Variants in VWA2 observed in about 807,000 individuals in gnomAD.
VWA2 encodes von Willebrand factor A domain-containing protein 2.
A neutral mutation model predicts 70.4 loss-of-function variants in VWA2; 73 were observed. The ratio of observed to expected loss-of-function variants is 1.04; its 90% CI spans 0.86 to 1.26. VWA2 has a LOEUF of 1.26. Among genes scored for constraint, VWA2 ranks in the 50% most tolerant of loss-of-function variants. The probability of loss-of-function intolerance (pLI) is 0.00; values close to 1 mark genes in which losing one functional copy is unlikely to be tolerated. For synonymous variants in VWA2, 407 were observed against 423.3 expected (o/e 0.96, Z 0.47); for missense variants, 1,011 against 998.5 (o/e 1.01, Z -0.17).
intron 4 of VWA2, among the ~76,000 whole-genome samples, chr10:114,257,193 C>G (rs913920870): frequency 2.6e-5 from 4 of 152,096 alleles, no homozygotes; most frequent in Admixed American, 6.5e-5. Flanking sequence ...ATCATTTAAT[C>G]TAGGCACAAG....
In VWA2 at chr10:114,241,851, G is replaced by T. The variant is rs1259421432; in HGVS notation, c.-11+2282G>T. On this transcript the variant is annotated intron_variant, in intron 1 of 13. Coordinates refer to ENST00000392982, the MANE Select transcript of VWA2 (RefSeq NM_001272046.2). The stretch of plus-strand genomic sequence containing the variant: ...TAATTGGGAGGCCTGCAATAGAATT[G>T]CTCATTTTTAATTTTATCCAATAAG... 3.3e-5 allele frequency among the ~76,000 whole-genome samples: 5 copies of T among 151,934 alleles called. No individual in the cohort carries two copies. In the East Asian group the frequency reaches 9.7e-4, roughly 29 times the overall value.
chr10:114,266,153 C>T (rs1027705699), intron 5 of VWA2, among the ~76,000 whole-genome samples: 5 of 151,876 alleles, frequency 3.3e-5, no homozygotes, highest in South Asian at 2.1e-4. Flanking sequence ...AAAAATTAGC[C>T]GGGCGTGGTG....
At chr10:114,285,819 G>A (rs903442838) in intron 10 of VWA2, 120 bp from the exon 11 acceptor site, 11 of 1,127,418 alleles carry the variant, frequency 9.8e-6, no homozygotes, top group South Asian at 6.7e-5. Flanking sequence ...ACTTAAGCTT[G>A]GGGGGCCCAC....
intron 1 of VWA2, among the ~76,000 whole-genome samples, chr10:114,242,022 C>T (rs2036982052): frequency 6.6e-6 from 1 of 151,668 alleles, no homozygotes; most frequent in Admixed American, 6.6e-5. Context: ...TATTTGAAGT[C>T]CCTTCCTTTG....
chr10:114,264,131 T>A (rs926758779), intron 5 of VWA2, among the ~76,000 whole-genome samples: 1 of 152,240 alleles, frequency 6.6e-6, no homozygotes, highest in Admixed American at 6.5e-5. Flanking sequence ...ATTTAGCATA[T>A]GACCCAGCAA....
intron 8 of VWA2, chr10:114,281,851 T>C (rs2038151280): frequency 1.4e-6 from 1 of 690,474 alleles, no homozygotes; most frequent in Non-Finnish European, 1.8e-6. Flanking sequence ...GAAAGTAACA[T>C]GTCTGTGGTC....
chr10:114,261,369 G>T, intron 5 of VWA2, 74 bp downstream of exon 5: 1 of 1,244,658 alleles, frequency 8.0e-7, no homozygotes, highest in Non-Finnish European at 1.2e-6. Flanking sequence ...GAAGGGTTTG[G>T]TCCTGCTCTG....
intron 5 of VWA2, among the ~76,000 whole-genome samples, chr10:114,264,613 G>T (rs1162217943): frequency 6.6e-6 from 1 of 151,970 alleles, no homozygotes. Flanking sequence ...TAGAGATGGG[G>T]TTTCACCGTT....
chr10:114,287,744 G>C (rs1372224442), intron 11 of VWA2, among the ~76,000 whole-genome samples: 1 of 152,158 alleles, frequency 6.6e-6, no homozygotes, highest in Non-Finnish European at 1.5e-5. Flanking sequence ...GACAATAGTG[G>C]AGAGTTCCCT....
intron 13 of VWA2, among the ~76,000 whole-genome samples, chr10:114,290,844 A>G (rs2039520820): frequency 2.0e-5 from 3 of 152,128 alleles, no homozygotes; most frequent in Non-Finnish European, 4.4e-5. Flanking sequence ...GAGGACGAGG[A>G]GGAGGTGCTA....
chr10:114,274,545 G>A (rs1282621668), intron 6 of VWA2, among the ~76,000 whole-genome samples: 1 of 152,174 alleles, frequency 6.6e-6, no homozygotes. Context: ...CGCCATCTCA[G>A]CTCACTGCAA....
Position 114,277,916 on chromosome 10 carries a change from G to A in VWA2, c.569G>A (p.Trp190Ter), listed in dbSNP as rs201463963. 2.9e-5 allele frequency: 47 copies of A among 1,606,890 alleles called. No individual in the cohort carries two copies. In the Middle Eastern group the frequency reaches 8.3e-4, roughly 28 times the overall value. Residue 190 changes from tryptophan (W) to a stop codon, truncating the protein, a stop_gained and splice_region_variant, in exon 7 of 14, where the codon TGG becomes TAG. Coordinates refer to ENST00000392982, the MANE Select transcript of VWA2 (RefSeq NM_001272046.2). LOFTEE classifies it high-confidence loss of function. ...VFAVGVRFPR[W>*]EELHALASEP... ...GCTGTTACAACCCCTTGGCACAGGT[G>A]GGAGGAGCTGCATGCACTGGCCAGC...
chr10:114,255,128 G>A (rs923621786), intron 4 of VWA2, 80 bp downstream of exon 4: 4 of 1,554,128 alleles, frequency 2.6e-6, no homozygotes, highest in Non-Finnish European at 3.5e-6. Flanking sequence ...AGCAGAGGAG[G>A]CATCTACTCG....
At chr10:114,252,125 C>T (rs924255123) in intron 2 of VWA2, among the ~76,000 whole-genome samples, 3 of 152,074 alleles carry the variant, frequency 2.0e-5, no homozygotes, top group African/African-American at 7.2e-5. Context: ...TTTAATGCTG[C>T]CCCTGCCTCT....
chr10:114,250,235 A>G (rs1244440883), intron 2 of VWA2, among the ~76,000 whole-genome samples: 3 of 152,244 alleles, frequency 2.0e-5, no homozygotes, highest in South Asian at 4.1e-4. Flanking sequence ...ATTCTTTAAC[A>G]TTCTTTATTC....
chr10:114,256,600 A>G (rs1304015881), intron 4 of VWA2, among the ~76,000 whole-genome samples: 1 of 152,150 alleles, frequency 6.6e-6, no homozygotes, highest in African/African-American at 2.4e-5. Context: ...ACGTGAACCT[A>G]CTCAAAAGTC....
intron 5 of VWA2, among the ~76,000 whole-genome samples, chr10:114,262,049 C>T (rs2037455635): frequency 6.6e-6 from 1 of 152,068 alleles, no homozygotes; most frequent in South Asian, 2.1e-4. Flanking sequence ...CACTCATCGC[C>T]AATGGATGGT....
Position 114,290,242 on chromosome 10 carries a change from G to A in VWA2, c.2125G>A (p.Ala709Thr). The A allele has an allele frequency of 1.3e-6, 2 of 1,550,464 alleles. No individual in the cohort carries two copies. Among genetic ancestry groups the A allele is most frequent in the Non-Finnish European group, 1.7e-6 (2 of 1,146,934 alleles). The change falls in exon 13 of 14, where the codon GCC becomes ACC. Residue 709 changes from alanine (A) to threonine (T), a missense_variant and splice_region_variant. Ala to Thr is a moderately conservative substitution (Grantham distance 58). Coordinates refer to ENST00000392982, the MANE Select transcript of VWA2 (RefSeq NM_001272046.2). ...GGGTATGGTGTTCTCCATTGTAGAA[G>A]CCAAGCAGCCAGTCAACCTCTGCAA... is the stretch of plus-strand genomic sequence containing the variant. ...DVLIEWLCGE[A>T]KQPVNLCKPS...
chr10:114,278,540 C>T (rs1486589672), intron 7 of VWA2, among the ~76,000 whole-genome samples, 179 bp from the exon 8 acceptor site: 4 of 152,222 alleles, frequency 2.6e-5, no homozygotes, highest in African/African-American at 9.6e-5. Context: ...CCCCGCTGAA[C>T]AGGCAGAGCA....
Sources: gnomAD v4.1 joint callset for allele counts (sites outside exome capture counted in the v4.1 genomes callset) on GRCh38, gnomAD v4.1.1 for gene constraint, MANE v1.5 for transcripts, NCBI Gene and HGNC (gene_info 2026-07-23, HGNC 2026-07-21) for gene names.